Variants in ARHGEF28 observed in about 807,000 individuals in gnomAD.
ARHGEF28 encodes the protein Rho guanine nucleotide exchange factor 28.
In ARHGEF28, 152 loss-of-function variants were observed where a neutral mutation model predicts 206.6. That is an observed-to-expected ratio of 0.74 (90% CI 0.64 to 0.84). The LOEUF (loss-of-function observed/expected upper bound fraction) is 0.84, where lower values mean the gene tolerates loss of function less well. ARHGEF28 is among the 40% of genes least tolerant of loss of function. The pLI, the probability that ARHGEF28 is intolerant of heterozygous loss-of-function variation, is 0.00. For missense variants in ARHGEF28, 2,028 were observed against 2,073.2 expected, an observed-to-expected ratio of 0.98 and a Z score of 0.42; for synonymous variants, 763 against 776.4, an observed-to-expected ratio of 0.98 and a Z score of 0.29.
intron 22 of ARHGEF28, among the ~76,000 whole-genome samples, chr5:73,873,798 A>G (rs1760263633): frequency 6.6e-6 from 1 of 152,124 alleles, no homozygotes; most frequent in Non-Finnish European, 1.5e-5. Context: ...TCTTGTTTCC[A>G]GTTTTTAGCT....
At chr5:73,654,364 CCT>C (rs1317525621) in intron 1 of ARHGEF28, among the ~76,000 whole-genome samples, 3 of 152,184 alleles carry the variant, frequency 2.0e-5, no homozygotes, top group African/African-American at 4.8e-5. Flanking sequence ...TCAACACCAG[CCT>C]CAAATGGCAG....
chr5:73,749,798 A>C, intron 2 of ARHGEF28, 39 bp from the exon 3 acceptor site: 1 of 1,610,206 alleles, frequency 6.2e-7, no homozygotes, highest in East Asian at 2.2e-5. Flanking sequence ...GAGCCAGGAC[A>C]AGGAAGTCTG....
chr5:73,720,208 A>G (rs1449402440), intron 2 of ARHGEF28, among the ~76,000 whole-genome samples: 1 of 152,226 alleles, frequency 6.6e-6, no homozygotes, highest in Non-Finnish European at 1.5e-5. Context: ...GATTGTAGAG[A>G]TGAATAATCA....
chr5:73,894,717 C>G (rs1034710462), intron 29 of ARHGEF28, 142 bp downstream of exon 29: 1 of 1,006,706 alleles, frequency 9.9e-7, no homozygotes, highest in South Asian at 1.8e-5. Context: ...ACTTATATTT[C>G]TAGAAATAGC....
At chr5:73,861,907 G>T (rs931502037) in intron 16 of ARHGEF28, among the ~76,000 whole-genome samples, 21 of 152,108 alleles carry the variant, frequency 1.4e-4, no homozygotes, top group Non-Finnish European at 2.9e-4. Context: ...TCATATTAAG[G>T]TTTTTACATG....
intron 24 of ARHGEF28, among the ~76,000 whole-genome samples, chr5:73,884,369 T>C (rs1761132404): frequency 6.6e-6 from 1 of 152,230 alleles, no homozygotes; most frequent in African/African-American, 2.4e-5. Context: ...AAGCTATGAA[T>C]GCACATGGCT....
At chr5:73,891,420 T>G (rs1364253884) in intron 26 of ARHGEF28, among the ~76,000 whole-genome samples, 1 of 152,152 alleles carries the variant, frequency 6.6e-6, no homozygotes, top group Non-Finnish European at 1.5e-5. Flanking sequence ...ACATTTGACA[T>G]AGTTTCCTAT....
At chr5:73,776,934 A>G (rs949782049) in intron 6 of ARHGEF28, among the ~76,000 whole-genome samples, 1 of 152,108 alleles carries the variant, frequency 6.6e-6, no homozygotes, top group Non-Finnish European at 1.5e-5. Context: ...GTTGGGTTTT[A>G]ATACTTTAAT....
chr5:73,846,200 A>T, intron 11 of ARHGEF28, 68 bp from the exon 12 acceptor site: 1 of 1,428,590 alleles, frequency 7.0e-7, no homozygotes, highest in Non-Finnish European at 9.7e-7. Flanking sequence ...GGATTCAGAG[A>T]AGTAGAAACC....
At chr5:73,872,542 T>C (rs978968623) in intron 21 of ARHGEF28, among the ~76,000 whole-genome samples, 7 of 152,218 alleles carry the variant, frequency 4.6e-5, no homozygotes, top group African/African-American at 1.7e-4. Context: ...AAAGGACCTA[T>C]GGTTATCTGC....
intron 2 of ARHGEF28, among the ~76,000 whole-genome samples, chr5:73,731,497 C>T (rs1378564085): frequency 6.6e-6 from 1 of 152,108 alleles, no homozygotes; most frequent in Non-Finnish European, 1.5e-5. Flanking sequence ...GCACAGTCAT[C>T]AGGATATTTG....
chr5:73,741,339 A>ATGTGTG (rs1469338639), intron 2 of ARHGEF28, among the ~76,000 whole-genome samples: 27 of 80,438 alleles, frequency 3.4e-4, no homozygotes, highest in Non-Finnish European at 5.7e-4. Flanking sequence ...TTTTAAATTT[A>ATGTGTG]TATGTGTGTG....
Position 73,921,041 on chromosome 5 carries a change from T to TC in ARHGEF28, c.4948+9467dup, listed in dbSNP as rs1169387561. On this transcript the variant is annotated intron_variant, in intron 35 of 35. Coordinates refer to ENST00000513042, the MANE Select transcript of ARHGEF28 (RefSeq NM_001177693.2). ...ACATCAATGAAACACTTTCTTAAAC[T>TC]CTTTTTTTCTTCTGCTAAATCCTAC... is the stretch of plus-strand genomic sequence containing the variant. Among the ~76,000 whole-genome samples the TC allele has an allele frequency of 2.0e-5, 3 of 152,306 alleles. No individual in the cohort carries two copies. The East Asian group carries it at 5.8e-4, about 29-fold the overall frequency.
chr5:73,924,506 C>A (rs1763694179), intron 35 of ARHGEF28, among the ~76,000 whole-genome samples: 1 of 152,130 alleles, frequency 6.6e-6, no homozygotes, highest in Non-Finnish European at 1.5e-5. Flanking sequence ...CTACTGTTAT[C>A]ACTGTTACTA....
intron 1 of ARHGEF28, among the ~76,000 whole-genome samples, chr5:73,662,860 A>G (rs1489200154): frequency 6.6e-6 from 1 of 152,192 alleles, no homozygotes; most frequent in Non-Finnish European, 1.5e-5. Flanking sequence ...TTTCTGGAGA[A>G]GTTTTGGAGG....
chr5:73,878,360 A>T (rs1025519145), intron 22 of ARHGEF28, among the ~76,000 whole-genome samples: 1 of 151,738 alleles, frequency 6.6e-6, no homozygotes, highest in Middle Eastern at 3.4e-3. Flanking sequence ...CACACTGATG[A>T]GTCTTGACTC....
At chr5:73,814,130 A>G (rs529462757) in intron 9 of ARHGEF28, among the ~76,000 whole-genome samples, 54 of 152,200 alleles carry the variant, frequency 3.5e-4, no homozygotes, top group African/African-American at 1.3e-3. Flanking sequence ...AAATTTTTGT[A>G]ATTAAGAAAA....
At chr5:73,797,893 A>T (rs1026815758) in intron 9 of ARHGEF28, among the ~76,000 whole-genome samples, 2 of 152,182 alleles carry the variant, frequency 1.3e-5, no homozygotes, top group Non-Finnish European at 1.5e-5. Context: ...GACACATTTT[A>T]TAGCTGTTCT....
chr5:73,721,160 G>C (rs1230055071), intron 2 of ARHGEF28, among the ~76,000 whole-genome samples: 1 of 152,108 alleles, frequency 6.6e-6, no homozygotes, highest in African/African-American at 2.4e-5. Flanking sequence ...GAAGAGCAGG[G>C]GAAGCCACAG....
Sources: allele counts gnomAD v4.1 joint callset (sites outside exome capture counted in the v4.1 genomes callset), GRCh38; gene constraint gnomAD v4.1.1; transcripts MANE v1.5; gene names NCBI Gene and HGNC (gene_info 2026-07-23, HGNC 2026-07-21).